TNFAIP8: variants seen among roughly 807,000 people sequenced by gnomAD.
The protein encoded by TNFAIP8 is tumor necrosis factor alpha-induced protein 8.
Under a neutral mutation model 13.3 loss-of-function variants are expected in TNFAIP8, and 7 were observed. That is an observed-to-expected ratio of 0.52 (90% confidence interval 0.30 to 0.99). The LOEUF (loss-of-function observed/expected upper bound fraction) is 0.99, where lower values mean the gene tolerates loss of function less well. Among genes scored for constraint, TNFAIP8 ranks in the 50% least tolerant of loss-of-function variants. The probability of loss-of-function intolerance (pLI) is 0.07; values close to 1 mark genes in which losing one functional copy is unlikely to be tolerated. For missense variants in TNFAIP8, 258 were observed against 236.9 expected, an observed-to-expected ratio of 1.09 and a Z score of -0.58; for synonymous variants, 94 against 87.6, an observed-to-expected ratio of 1.07 and a Z score of -0.41.
chr5:119,315,106 G>C (rs563465637), intron 1 of TNFAIP8, among the ~76,000 whole-genome samples: 16 of 151,694 alleles, frequency 1.1e-4, no homozygotes, highest in Middle Eastern at 3.4e-3. Context: ...TTTTCGAGAT[G>C]GAGTCTCTCT....
At chr5:119,288,773 A>G (rs959298685) in intron 1 of TNFAIP8, among the ~76,000 whole-genome samples, 13 of 152,228 alleles carry the variant, frequency 8.5e-5, no homozygotes, top group Admixed American at 3.3e-4. Flanking sequence ...GGTGTGTTTA[A>G]CATATGGAAA....
intron 1 of TNFAIP8, among the ~76,000 whole-genome samples, chr5:119,374,165 T>C (rs759571812): frequency 6.6e-6 from 1 of 152,166 alleles, no homozygotes; most frequent in Non-Finnish European, 1.5e-5. Context: ...TCCAAAATGC[T>C]TGGGACTGAA....
At chr5:119,309,076 G>A (rs1749654546) in intron 1 of TNFAIP8, among the ~76,000 whole-genome samples, 1 of 152,102 alleles carries the variant, frequency 6.6e-6, no homozygotes, top group South Asian at 2.1e-4. Context: ...ATTTTCAGTT[G>A]CTTTTTGTGA....
intron 1 of TNFAIP8, among the ~76,000 whole-genome samples, chr5:119,279,381 T>A (rs1242553168): frequency 6.6e-6 from 1 of 152,180 alleles, no homozygotes; most frequent in East Asian, 1.9e-4. Context: ...TGTCTCCATG[T>A]TTCATTCTTC....
chr5:119,310,315 G>A (rs910992348), intron 1 of TNFAIP8, among the ~76,000 whole-genome samples: 2 of 151,898 alleles, frequency 1.3e-5, no homozygotes, highest in African/African-American at 2.4e-5. Context: ...AGCCCTGAGT[G>A]GAGGGAATTC....
At chr5:119,288,396 T>C (rs142803177) in intron 1 of TNFAIP8, among the ~76,000 whole-genome samples, 4 of 152,358 alleles carry the variant, frequency 2.6e-5, no homozygotes, top group Admixed American at 2.0e-4. Context: ...GGCACGGTCT[T>C]ATTCTGATGT....
chr5:119,391,285 A>G (rs1752880532), intron 1 of TNFAIP8: 1 of 670,814 alleles, frequency 1.5e-6, no homozygotes, highest in Non-Finnish European at 2.7e-6. Flanking sequence ...ATAATCATTG[A>G]TGCCTTGACT....
In TNFAIP8 at chr5:119,278,374, A is replaced by AGT. The variant is rs1561979572; in HGVS notation, c.1+9468_1+9469insTG. On this transcript the variant is annotated intron_variant, in intron 1 of 1. Coordinates refer to the TNFAIP8 transcript ENST00000274456. ...GGGGGAGAGAGAGAGAGAGAGAGAG[A>AGT]GAGTGTGTGTGTGTGTGTGTGTGTG... 4.0e-3 allele frequency among the ~76,000 whole-genome samples: 498 copies of AGT among 123,130 alleles called. 4 individuals are homozygous for AGT. Among genetic ancestry groups the AGT allele is most frequent in the African/African-American group, 0.018 (480 of 26,664 alleles). 80.8% of individuals were successfully genotyped at this position (123,130 alleles called of 152,430 possible).
At chr5:119,358,860 T>G (rs1211567351) in intron 1 of TNFAIP8, among the ~76,000 whole-genome samples, 2 of 152,156 alleles carry the variant, frequency 1.3e-5, no homozygotes, top group Non-Finnish European at 2.9e-5. Context: ...AAAGCCATTG[T>G]TAAGGGGTGG....
chr5:119,362,227 G>A (rs899489083), intron 1 of TNFAIP8, among the ~76,000 whole-genome samples: 2 of 152,172 alleles, frequency 1.3e-5, no homozygotes, highest in African/African-American at 4.8e-5. Context: ...AAAAGAAAGA[G>A]TGAGTGACAG....
At chr5:119,284,009 A>G (rs1394408582) in intron 1 of TNFAIP8, among the ~76,000 whole-genome samples, 3 of 152,326 alleles carry the variant, frequency 2.0e-5, no homozygotes, top group Admixed American at 1.3e-4. Context: ...CAAGTGTGGC[A>G]GTAAAGGCTG....
At chr5:119,274,785 A>G (rs563147231) in intron 1 of TNFAIP8, among the ~76,000 whole-genome samples, 6 of 152,350 alleles carry the variant, frequency 3.9e-5, no homozygotes, top group African/African-American at 1.4e-4. Context: ...TTATCTGGGC[A>G]GCTACAAAAG....
chr5:119,301,542 T>G (rs1190765220), intron 1 of TNFAIP8, among the ~76,000 whole-genome samples: 1 of 152,234 alleles, frequency 6.6e-6, no homozygotes, highest in Non-Finnish European at 1.5e-5. Flanking sequence ...TTATATGCCA[T>G]AGCTCCTTCA....
intron 1 of TNFAIP8, among the ~76,000 whole-genome samples, chr5:119,377,680 T>C (rs1486065612): frequency 1.3e-5 from 2 of 152,194 alleles, no homozygotes; most frequent in Non-Finnish European, 2.9e-5. Context: ...TCATGATCAC[T>C]CTTAACCTTC....
chr5:119,297,186 A>C (rs928377437), intron 1 of TNFAIP8, among the ~76,000 whole-genome samples: 1 of 151,774 alleles, frequency 6.6e-6, no homozygotes, highest in Admixed American at 6.6e-5. Context: ...TAGTTCTTTT[A>C]ATTGTGATGT....
chr5:119,288,378 T>G (rs1748867858), intron 1 of TNFAIP8, among the ~76,000 whole-genome samples: 1 of 152,210 alleles, frequency 6.6e-6, no homozygotes, highest in Non-Finnish European at 1.5e-5. Context: ...CATCATCTAT[T>G]CCTAAAAGGC....
chr5:119,275,013 A>ATT (rs5870846), intron 1 of TNFAIP8, among the ~76,000 whole-genome samples: 25,568 of 142,578 alleles, frequency 0.18, 2,588 homozygotes, highest in Non-Finnish European at 0.23. Flanking sequence ...TTTTTTTTTA[A>ATT]TTTTTTTTTT....
chr5:119,391,095 A>G (rs1317249236), intron 1 of TNFAIP8, among the ~76,000 whole-genome samples: 2 of 151,692 alleles, frequency 1.3e-5, no homozygotes, highest in Non-Finnish European at 2.9e-5. Context: ...GGGCCTGCCA[A>G]TGTGCTGGGA....
At chr5:119,375,691 C>T (rs1258382792) in intron 1 of TNFAIP8, among the ~76,000 whole-genome samples, 2 of 152,056 alleles carry the variant, frequency 1.3e-5, no homozygotes, top group Non-Finnish European at 2.9e-5. Context: ...TTTAATAAAA[C>T]AATTTGTCTT....
Sources: allele counts gnomAD v4.1 joint callset (sites outside exome capture counted in the v4.1 genomes callset), GRCh38; gene constraint gnomAD v4.1.1; transcripts MANE v1.5; gene names NCBI Gene and HGNC (gene_info 2026-07-23, HGNC 2026-07-21).